The following PITPNM2 variants were observed in gnomAD, a reference collection of about 807,000 sequenced individuals.
PITPNM2 encodes membrane-associated phosphatidylinositol transfer protein 2.
A neutral mutation model predicts 132.2 loss-of-function variants in PITPNM2; 35 were observed. The ratio of observed to expected loss-of-function variants is 0.26; its 90% CI spans 0.20 to 0.35. The LOEUF is 0.35. Among genes scored for constraint, PITPNM2 ranks in the 10% least tolerant of loss-of-function variants. The probability of loss-of-function intolerance (pLI) is 1.00; values close to 1 mark genes in which losing one functional copy is unlikely to be tolerated. For synonymous variants in PITPNM2, 738 were observed against 799.2 expected (o/e 0.92, Z 1.29); for missense variants, 1,332 against 1,912.0 (o/e 0.70, Z 5.66).
intron 2 of PITPNM2, among the ~76,000 whole-genome samples, chr12:123,101,878 C>T (rs533095818): frequency 1.8e-4 from 27 of 152,268 alleles, no homozygotes; most frequent in Middle Eastern, 3.4e-3. Flanking sequence ...GGCAACATAG[C>T]GAGATCCCAT....
At chr12:123,136,382 G>T (rs1160552627) in intron 1 of PITPNM2, among the ~76,000 whole-genome samples, 1 of 151,810 alleles carries the variant, frequency 6.6e-6, no homozygotes, top group Non-Finnish European at 1.5e-5. Flanking sequence ...TAAAGAAAAG[G>T]GCCTCCTTCT....
In PITPNM2 at chr12:123,031,503, G is replaced by T. The variant is rs182670332; in HGVS notation, c.78+3010C>A. ...TATGGCTTCCTGGTAACTACATGAG[G>T]GCTGAAGCACCTCAAACACAGCAAT... On this transcript the variant is annotated intron_variant, in intron 3 of 25. Transcript: ENST00000320201. The surrounding 1 kb of genome is among the most constrained non-coding windows in gnomAD (Gnocchi z 4.5). Among the ~76,000 whole-genome samples, 1 of 152,276 alleles carries T rather than the reference G, an allele frequency of 6.6e-6. No individual in the cohort carries two copies. Among genetic ancestry groups the T allele is most frequent in the East Asian group, 1.9e-4 (1 of 5,184 alleles).
intron 1 of PITPNM2, among the ~76,000 whole-genome samples, chr12:123,113,106 G>A (rs1453088083): frequency 6.6e-6 from 1 of 152,174 alleles, no homozygotes; most frequent in Non-Finnish European, 1.5e-5. Flanking sequence ...GTTTGATGGG[G>A]TGCCAGCTAC....
chr12:122,989,319 G>A (rs771336565), intron 18 of PITPNM2, among the ~76,000 whole-genome samples: 6 of 152,144 alleles, frequency 3.9e-5, no homozygotes, highest in African/African-American at 9.7e-5. Context: ...TGCCCTTCTC[G>A]CACCTGGGCC....
At chr12:123,131,896 C>T (rs1321761711) in intron 1 of PITPNM2, among the ~76,000 whole-genome samples, 1 of 152,236 alleles carries the variant, frequency 6.6e-6, no homozygotes, top group Non-Finnish European at 1.5e-5. Flanking sequence ...TCCTTTAAAC[C>T]TCAGGACCAA....
chr12:123,099,262 T>G lies in PITPNM2; in HGVS notation c.-96+11123A>C, dbSNP rs992627910. ...AAAAAAAAATATATATCTTTTTTTT[T>G]AAAGAATGAAACCTCATACCAGGAC... On this transcript the variant is annotated intron_variant, in intron 2 of 25. Coordinates refer to ENST00000320201, the MANE Select transcript of PITPNM2 (RefSeq NM_020845.3). The surrounding 1 kb of genome is among the most constrained non-coding windows in gnomAD (Gnocchi z 4.2). Among the ~76,000 whole-genome samples, 5 of 152,116 alleles carry G rather than the reference T, an allele frequency of 3.3e-5. No homozygotes were observed. The highest frequency in any genetic ancestry group is 6.5e-5 in the Admixed American group (1 of 15,268).
chr12:122,992,035 G>A lies in PITPNM2; in HGVS notation c.2404+464C>T. On this transcript the variant is annotated intron_variant, in intron 16 of 25. Coordinates refer to ENST00000320201, the MANE Select transcript of PITPNM2 (RefSeq NM_020845.3). The surrounding 1 kb of genome is among the most constrained non-coding windows in gnomAD (Gnocchi z 6.5). ...ACGCTGGGACACACGCTGGGGCAGG[G>A]GTCGGGCCAAGCCTACCTGGACCTC... is the stretch of plus-strand genomic sequence containing the variant. 1.2e-6 allele frequency: 1 copy of A among 830,998 alleles called. No individual in the cohort carries two copies. The highest frequency in any genetic ancestry group is 1.6e-6 in the Non-Finnish European group (1 of 617,604). 51.5% of individuals were successfully genotyped at this position (830,998 alleles called of 1,614,324 possible).
At position 123,004,750 on chromosome 12, in the gene PITPNM2, G is replaced by A; in HGVS notation, c.953-261C>T. ...GAAGAGCATGACAGACATAAGCCCA[G>A]GACGTGGGGTAAGACAGGCCTGGGT... On this transcript the variant is annotated intron_variant, in intron 7 of 25. Transcript: ENST00000320201. This position sits in a 1 kb window ranked among gnomAD's most constrained non-coding sequence, Gnocchi z 4.9. The A allele has an allele frequency of 6.7e-6, 4 of 596,730 alleles. No individual in the cohort carries two copies. The highest frequency in any genetic ancestry group is 1.2e-5 in the Non-Finnish European group (4 of 333,620). The allele number at this position is 596,730 out of a possible 1,614,324, so 37.0% of individuals were successfully genotyped here. A position where few individuals can be genotyped will look rare whatever the true frequency, so the allele number is the denominator to read the frequency against.
At position 123,000,397 on chromosome 12, in the gene PITPNM2, A is replaced by T; in HGVS notation, c.1224+381T>A. Reference sequence around the variant, plus strand: ...CGGCCACATCACTTCTGCCTAGACGACTGTCGCTTCCTCCCTTTTCGTCTT... The same window carrying T: ...CGGCCACATCACTTCTGCCTAGACGTCTGTCGCTTCCTCCCTTTTCGTCTT... On this transcript the variant is annotated intron_variant, in intron 10 of 25. Coordinates refer to ENST00000320201, the MANE Select transcript of PITPNM2 (RefSeq NM_020845.3). The surrounding 1 kb of genome is among the most constrained non-coding windows in gnomAD (Gnocchi z 5.4). The T allele has an allele frequency of 1.4e-6, 1 of 702,670 alleles. No individual in the cohort carries two copies. Among genetic ancestry groups the T allele is most frequent in the Non-Finnish European group, 2.6e-6 (1 of 384,964 alleles). The allele number at this position is 702,670 out of a possible 1,614,324, so 43.5% of individuals were successfully genotyped here. A position where few individuals can be genotyped will look rare whatever the true frequency, so the allele number is the denominator to read the frequency against.
chr12:123,093,867 A>C (rs926147329), intron 2 of PITPNM2, among the ~76,000 whole-genome samples: 1 of 152,270 alleles, frequency 6.6e-6, no homozygotes, highest in Non-Finnish European at 1.5e-5. Flanking sequence ...ACACAGAGCC[A>C]GGAGGCCTGG....
chr12:123,085,063 G>T (rs1022802711), intron 2 of PITPNM2, among the ~76,000 whole-genome samples: 1 of 152,184 alleles, frequency 6.6e-6, no homozygotes, highest in African/African-American at 2.4e-5. Flanking sequence ...GAGATGTCAG[G>T]TGCCCAAGCA....
intron 1 of PITPNM2, among the ~76,000 whole-genome samples, chr12:123,132,114 G>A (rs535336079): frequency 6.6e-6 from 1 of 152,380 alleles, no homozygotes; most frequent in South Asian, 2.1e-4. Flanking sequence ...AGCTGTGGAT[G>A]CCAGGGACCG....
At chr12:123,076,518 C>CA (rs1043180261) in intron 2 of PITPNM2, among the ~76,000 whole-genome samples, 1 of 152,156 alleles carries the variant, frequency 6.6e-6, no homozygotes, top group Admixed American at 6.5e-5. Flanking sequence ...AATGCTGAAA[C>CA]AAAAAACAGA....
In PITPNM2 at chr12:122,987,516, C is replaced by T. The variant is rs748950099; in HGVS notation, c.3258G>A (p.Val1086=). 1.9e-5 allele frequency: 30 copies of T among 1,612,620 alleles called. No individual in the cohort carries two copies. In the Middle Eastern group the frequency reaches 2.1e-3, roughly 115 times the overall value. Residue 1086 remains valine, a synonymous_variant, in exon 22 of 26, where the codon GTG becomes GTA. Transcript: ENST00000320201. ...LGVGVYPIKM[V]VRGDHTFADS... ...CTCCCAGTGCAGGCATATACCTGACCACCATCTTGATAGGGTAGACACCCA... is the reference window on the plus strand; with the variant it reads ...CTCCCAGTGCAGGCATATACCTGACTACCATCTTGATAGGGTAGACACCCA...
In PITPNM2 at chr12:123,014,845, G is replaced by C. The variant is rs2039361691; in HGVS notation, c.79-803C>G. On this transcript the variant is annotated intron_variant, in intron 3 of 25. Coordinates refer to ENST00000320201, the MANE Select transcript of PITPNM2 (RefSeq NM_020845.3). ...AAACAATCTCCACCAAAGCCTGTTA[G>C]ACCTAATAAATAAATTCAACAAAGT... is the stretch of plus-strand genomic sequence containing the variant. Among the ~76,000 whole-genome samples the C allele has an allele frequency of 3.3e-5, 5 of 152,160 alleles. No individual in the cohort carries two copies. The South Asian group carries it at 1.0e-3, about 31-fold the overall frequency.
At chr12:123,026,216 G>A (rs554162785) in intron 3 of PITPNM2, among the ~76,000 whole-genome samples, 1 of 152,194 alleles carries the variant, frequency 6.6e-6, no homozygotes, top group Non-Finnish European at 1.5e-5. Flanking sequence ...TCCATGCCCT[G>A]GCGTAATGGG....
chr12:123,051,093 G>A (rs1029885497), intron 2 of PITPNM2, among the ~76,000 whole-genome samples: 4 of 152,100 alleles, frequency 2.6e-5, no homozygotes, highest in African/African-American at 7.2e-5. Flanking sequence ...TTTGCGCAAT[G>A]TCTTCAATAT....
At chr12:123,007,110 A>G (rs1235435627) in intron 6 of PITPNM2, among the ~76,000 whole-genome samples, 3 of 152,144 alleles carry the variant, frequency 2.0e-5, no homozygotes, top group Non-Finnish European at 4.4e-5. Context: ...TGGTCTCAGC[A>G]CACAGATGTG....
At chr12:122,989,983 C>T (rs944199789) in intron 17 of PITPNM2, 35 bp from the exon 18 acceptor site, 7 of 1,293,618 alleles carry the variant, frequency 5.4e-6, no homozygotes, top group South Asian at 2.7e-5. Flanking sequence ...CTCAGCCACG[C>T]GGGGATGACC....
Sources: gnomAD v4.1 joint callset for allele counts (sites outside exome capture counted in the v4.1 genomes callset) on GRCh38, gnomAD v4.1.1 for gene constraint, Gnocchi (gnomAD v3.1) non-coding constraint, MANE v1.5 for transcripts, NCBI Gene and HGNC (gene_info 2026-07-23, HGNC 2026-07-21) for gene names.